PDE1C: variants seen among roughly 807,000 people sequenced by gnomAD.
PDE1C encodes the protein phosphodiesterase 1C, also known as dual specificity calcium/calmodulin-dependent 3',5'-cyclic nucleotide phosphodiesterase 1C.
A neutral mutation model predicts 93.1 loss-of-function variants in PDE1C; 62 were observed. The ratio of observed to expected loss-of-function variants is 0.67; its 90% CI spans 0.54 to 0.82. The LOEUF (loss-of-function observed/expected upper bound fraction) is 0.82, where lower values mean the gene tolerates loss of function less well. Ranked by LOEUF, PDE1C falls within the 40% of genes least tolerant of loss-of-function variation. The pLI, the probability that PDE1C is intolerant of heterozygous loss-of-function variation, is 0.00. For missense variants in PDE1C, 742 were observed against 884.6 expected (o/e 0.84, Z 2.04); for synonymous variants, 325 against 310.1 (o/e 1.05, Z -0.50).
chr7:32,293,512 A>C (rs1812461409), intron 1 of PDE1C, among the ~76,000 whole-genome samples: 1 of 152,170 alleles, frequency 6.6e-6, no homozygotes, highest in Admixed American at 6.5e-5. Context: ...TTTAGAGTTA[A>C]CAGCGCAGTT....
intron 16 of PDE1C, among the ~76,000 whole-genome samples, chr7:31,779,652 G>T (rs1158528399): frequency 6.6e-6 from 1 of 152,170 alleles, no homozygotes; most frequent in Non-Finnish European, 1.5e-5. Context: ...TATACAGGTA[G>T]CAGGCGGGGA....
chr7:32,017,462 C>T (rs894377652), intron 2 of PDE1C, among the ~76,000 whole-genome samples: 2 of 151,628 alleles, frequency 1.3e-5, no homozygotes, highest in Non-Finnish European at 3.0e-5. Flanking sequence ...GATATGACAC[C>T]AAAAGCACAA....
At chr7:32,057,548 T>A (rs1039295153) in intron 1 of PDE1C, among the ~76,000 whole-genome samples, 4 of 152,180 alleles carry the variant, frequency 2.6e-5, no homozygotes, top group Non-Finnish European at 4.4e-5. Flanking sequence ...CTCCAGTATT[T>A]AAATAGGTTC....
chr7:31,929,758 T>G (rs1803928903), intron 2 of PDE1C, among the ~76,000 whole-genome samples: 1 of 152,044 alleles, frequency 6.6e-6, no homozygotes, highest in African/African-American at 2.4e-5. Flanking sequence ...ACACAACGTA[T>G]CAGAATCTCT....
At chr7:31,879,246 G>T in intron 3 of PDE1C, 68 bp from the exon 4 acceptor site, 2 of 1,469,394 alleles carry the variant, frequency 1.4e-6, no homozygotes, top group Non-Finnish European at 1.8e-6. Context: ...GTTCAAAGCA[G>T]CTGCTCCTCT....
At chr7:32,090,227 C>G (rs1015428115) in intron 3 of PDE1C, among the ~76,000 whole-genome samples, 1 of 152,184 alleles carries the variant, frequency 6.6e-6, no homozygotes, top group South Asian at 2.1e-4. Context: ...TATCTCCCTT[C>G]TTTTCACAGG....
Position 31,753,272 on chromosome 7 carries a change from T to A in PDE1C, c.*112A>T, listed in dbSNP as rs185406426. ...ACCTTGGTGGAGTCAACCAGGATAGTACCTGCTCCAACAGCCTCCAAGGGT... is the reference window on the plus strand; with the variant it reads ...ACCTTGGTGGAGTCAACCAGGATAGAACCTGCTCCAACAGCCTCCAAGGGT... On this transcript the variant is annotated 3_prime_UTR_variant, in exon 18 of 18. Coordinates refer to ENST00000396191, the MANE Select transcript of PDE1C (RefSeq NM_001191057.4). 3 of 1,341,438 alleles carry A rather than the reference T, an allele frequency of 2.2e-6. No individual in the cohort carries two copies. The African/African-American group carries it at 4.4e-5, about 20-fold the overall frequency. 83.1% of individuals were successfully genotyped at this position (1,341,438 alleles called of 1,614,324 possible).
chr7:31,953,458 A>G (rs79141952), intron 2 of PDE1C, among the ~76,000 whole-genome samples: 8,431 of 152,252 alleles, frequency 0.055, 360 homozygotes, highest in African/African-American at 0.12. Context: ...TACTGAAATT[A>G]CAGGGAGCCA....
At chr7:32,089,338 C>T (rs902658816) in intron 3 of PDE1C, among the ~76,000 whole-genome samples, 1 of 152,148 alleles carries the variant, frequency 6.6e-6, no homozygotes, top group Non-Finnish European at 1.5e-5. Flanking sequence ...TAAAGCCTGT[C>T]ATTGACCTAC....
intron 5 of PDE1C, among the ~76,000 whole-genome samples, chr7:31,874,015 A>G (rs943251468): frequency 5.3e-5 from 8 of 152,228 alleles, no homozygotes; most frequent in South Asian, 2.1e-4. Flanking sequence ...GTAGAACACA[A>G]AACAATATGC....
rs1261027792 is a variant in PDE1C, at chr7:31,751,936, G to C, written c.*1448C>G. The C allele has an allele frequency of 6.6e-6, 1 of 152,142 alleles. No homozygotes were observed. The highest frequency in any genetic ancestry group is 2.4e-5 in the African/African-American group (1 of 41,430). 9.4% of individuals were successfully genotyped at this position (152,142 alleles called of 1,614,324 possible). Reference sequence around the variant, plus strand: ...CAAACAGCTCCTTCTTTGTAGGGCTGTCCTGGAGAGTTCATCCTGATTATG... The same window carrying C: ...CAAACAGCTCCTTCTTTGTAGGGCTCTCCTGGAGAGTTCATCCTGATTATG... On this transcript the variant is annotated 3_prime_UTR_variant, in exon 18 of 18. Coordinates refer to ENST00000396191, the MANE Select transcript of PDE1C (RefSeq NM_001191057.4).
chr7:31,828,103 C>A (rs1321930674), intron 12 of PDE1C, among the ~76,000 whole-genome samples, 189 bp downstream of exon 12: 8 of 152,108 alleles, frequency 5.3e-5, no homozygotes, highest in African/African-American at 1.9e-4. Flanking sequence ...CCAATTCTCC[C>A]ATGAACAAGC....
At chr7:32,269,848 A>T (rs1458739906) in intron 1 of PDE1C, among the ~76,000 whole-genome samples, 1 of 152,118 alleles carries the variant, frequency 6.6e-6, no homozygotes, top group Non-Finnish European at 1.5e-5. Flanking sequence ...GTCCTAGCTC[A>T]CTGCAAGCTT....
chr7:31,971,401 T>C (rs932249694), intron 2 of PDE1C, among the ~76,000 whole-genome samples: 1 of 152,168 alleles, frequency 6.6e-6, no homozygotes, highest in African/African-American at 2.4e-5. Context: ...CCATGTGATC[T>C]TGAGTGAGTT....
intron 1 of PDE1C, among the ~76,000 whole-genome samples, chr7:32,290,281 C>T (rs986865737): frequency 1.4e-4 from 22 of 152,192 alleles, no homozygotes; most frequent in African/African-American, 4.8e-4. Context: ...GACTTGCAGC[C>T]GTGCCAGAAT....
At chr7:32,309,862 T>G (rs2128904270) in intron 1 of PDE1C, among the ~76,000 whole-genome samples, 1 of 152,298 alleles carries the variant, frequency 6.6e-6, no homozygotes, top group East Asian at 1.9e-4. Flanking sequence ...AATAACCAGC[T>G]AACATCATAA....
chr7:31,673,801 G>T, the PDE1C span, among the ~76,000 whole-genome samples: 1 of 151,830 alleles, frequency 6.6e-6, no homozygotes, highest in African/African-American at 2.4e-5. Flanking sequence ...GGATTTTCCA[G>T]TAAGAGTTTT....
chr7:31,638,192 C>G, the PDE1C span, among the ~76,000 whole-genome samples: 1 of 152,054 alleles, frequency 6.6e-6, no homozygotes, highest in Non-Finnish European at 1.5e-5. Context: ...AGGAGGAAAA[C>G]GGGTGGTATT....
At chr7:31,840,638 AG>A (rs1214883622) in intron 9 of PDE1C, among the ~76,000 whole-genome samples, 1 of 152,156 alleles carries the variant, frequency 6.6e-6, no homozygotes, top group Non-Finnish European at 1.5e-5. Flanking sequence ...GTATGTGATA[AG>A]GGTCAAAGTT....
Sources: gnomAD v4.1 joint callset for allele counts (sites outside exome capture counted in the v4.1 genomes callset) on GRCh38, gnomAD v4.1.1 for gene constraint, MANE v1.5 for transcripts, NCBI Gene and HGNC (gene_info 2026-07-23, HGNC 2026-07-21) for gene names.